GNG2: variants seen among roughly 807,000 people sequenced by gnomAD.
GNG2 encodes the protein G protein subunit gamma 2, also known as guanine nucleotide-binding protein G(I)/G(S)/G(O) subunit gamma-2.
GNG2 carries 5 observed loss-of-function variants against 5.5 expected under a neutral mutation model. The observed-to-expected ratio is 0.91, with a 90% CI of 0.48 to 1.92. The LOEUF is 1.92. Among genes scored for constraint, GNG2 ranks in the 30% most tolerant of loss-of-function variants. GNG2 has a pLI of 0.01. For synonymous variants in GNG2, 28 were observed against 32.0 expected (o/e 0.88, Z 0.42); for missense variants, 55 against 88.4 (o/e 0.62, Z 1.52).
In GNG2 at chr14:51,834,469, T is replaced by A. The variant is rs144267077; in HGVS notation, c.64+6662T>A. Among the ~76,000 whole-genome samples the A allele has an allele frequency of 3.0e-3, 464 of 152,288 alleles. 3 individuals are homozygous for A. Among genetic ancestry groups the A allele is most frequent in the African/African-American group, 0.011 (450 of 41,552 alleles). ...TTGTCGACCAGCTGGGAGACAAGTG[T>A]CAAGTGCTGGGTCCAGGTGGCAGAT... On this transcript the variant is annotated intron_variant, in intron 2 of 3. Coordinates refer to the GNG2 transcript ENST00000553432.
At chr14:51,826,823 A>G (rs1881041979) in intron 1 of GNG2, among the ~76,000 whole-genome samples, 2 of 152,346 alleles carry the variant, frequency 1.3e-5, no homozygotes, top group African/African-American at 4.8e-5. Context: ...TCAGTGAAGG[A>G]GAGAAAAGAG....
At position 51,884,898 on chromosome 14, in the gene GNG2, G is replaced by A. The variant is rs529218039; in HGVS notation, c.-30+7241G>A. Among the ~76,000 whole-genome samples, 4 of 152,266 alleles carry A rather than the reference G, an allele frequency of 2.6e-5. No individual in the cohort carries two copies. In the South Asian group the frequency reaches 6.2e-4, roughly 24 times the overall value. The stretch of plus-strand genomic sequence containing the variant: ...GCCTGCCATCAGCAGGGGCCAGTAG[G>A]TTCTTCCTCTGGAATTTTCCAACTC... On this transcript the variant is annotated intron_variant, in intron 2 of 3. Transcript: ENST00000556766.
intron 2 of GNG2, among the ~76,000 whole-genome samples, chr14:51,917,906 G>A (rs564498022): frequency 2.2e-4 from 33 of 152,006 alleles, no homozygotes; most frequent in Non-Finnish European, 4.0e-4. Context: ...GGCGCCTGTA[G>A]TCCCAGCTAC....
intron 3 of GNG2, among the ~76,000 whole-genome samples, chr14:51,962,942 C>G (rs937234542): frequency 2.6e-5 from 4 of 152,194 alleles, no homozygotes; most frequent in African/African-American, 2.4e-5. Flanking sequence ...CTCAGTAGCT[C>G]AGGAGCTGTG....
chr14:51,828,846 G>A (rs1881104559), intron 2 of GNG2, among the ~76,000 whole-genome samples: 1 of 152,078 alleles, frequency 6.6e-6, no homozygotes, highest in Non-Finnish European at 1.5e-5. Flanking sequence ...AGGGGCTCAG[G>A]GCTGGGGACG....
chr14:51,862,245 C>A (rs1882546149), intron 1 of GNG2, among the ~76,000 whole-genome samples: 1 of 152,062 alleles, frequency 6.6e-6, no homozygotes, highest in Non-Finnish European at 1.5e-5. Context: ...TTAAAGTAAA[C>A]CTGCACCATG....
intron 2 of GNG2, among the ~76,000 whole-genome samples, chr14:51,855,265 C>T (rs1882103084): frequency 6.6e-6 from 1 of 152,154 alleles, no homozygotes; most frequent in African/African-American, 2.4e-5. Context: ...TCTTCATGTC[C>T]CTTGTCCCAC....
At chr14:51,933,042 C>T (rs1428253132) in intron 2 of GNG2, among the ~76,000 whole-genome samples, 1 of 152,180 alleles carries the variant, frequency 6.6e-6, no homozygotes, top group Non-Finnish European at 1.5e-5. Flanking sequence ...CAGTAGCCAT[C>T]AGAAGCTGGA....
intron 2 of GNG2, among the ~76,000 whole-genome samples, chr14:51,830,450 A>G (rs1881150372): frequency 6.6e-6 from 1 of 152,200 alleles, no homozygotes. Context: ...CCTATTGGAC[A>G]TCTCCACTGG....
At chr14:51,952,881 T>C (rs1482203590) in intron 3 of GNG2, among the ~76,000 whole-genome samples, 7 of 152,196 alleles carry the variant, frequency 4.6e-5, no homozygotes, top group Non-Finnish European at 1.0e-4. Context: ...ACATTCCTCT[T>C]TATTGAAAAT....
intron 2 of GNG2, among the ~76,000 whole-genome samples, chr14:51,842,701 G>C (rs1881516332): frequency 6.8e-6 from 1 of 147,076 alleles, no homozygotes; most frequent in African/African-American, 2.6e-5. Context: ...TTCTCACTCT[G>C]TTGCCCAGGC....
At chr14:51,846,007 C>T (rs1190047266) in intron 2 of GNG2, among the ~76,000 whole-genome samples, 1 of 152,146 alleles carries the variant, frequency 6.6e-6, no homozygotes, top group African/African-American at 2.4e-5. Context: ...CAGCTTCCAC[C>T]TTTGACAAGA....
At chr14:51,852,763 C>T (rs2153310) in intron 2 of GNG2, among the ~76,000 whole-genome samples, 9,410 of 152,158 alleles carry the variant, frequency 0.062, 981 homozygotes, top group African/African-American at 0.22. Context: ...ACTAAAGTAA[C>T]GGAAATCATT....
intron 2 of GNG2, among the ~76,000 whole-genome samples, chr14:51,828,075 C>T (rs1168564048): frequency 2.0e-5 from 3 of 152,344 alleles, no homozygotes; most frequent in South Asian, 4.1e-4. Flanking sequence ...GTAGAACTGA[C>T]TAGCTTCCTC....
At chr14:51,936,918 G>A (rs1031543921) in intron 2 of GNG2, among the ~76,000 whole-genome samples, 7 of 152,180 alleles carry the variant, frequency 4.6e-5, no homozygotes, top group Admixed American at 3.9e-4. Context: ...TAAACTCCTG[G>A]TCATCAAGTC....
chr14:51,943,447 G>A (rs1888463414), intron 2 of GNG2, among the ~76,000 whole-genome samples: 1 of 152,228 alleles, frequency 6.6e-6, no homozygotes, highest in Non-Finnish European at 1.5e-5. Flanking sequence ...AATATATGAT[G>A]TGTGTCTGTG....
chr14:51,832,609 C>T (rs1291068474), intron 2 of GNG2, among the ~76,000 whole-genome samples: 1 of 152,216 alleles, frequency 6.6e-6, no homozygotes, highest in African/African-American at 2.4e-5. Flanking sequence ...GGTCCAAGAT[C>T]AAGGTGCTAG....
chr14:51,888,527 C>T (rs1373219756), intron 2 of GNG2, among the ~76,000 whole-genome samples: 1 of 152,078 alleles, frequency 6.6e-6, no homozygotes, highest in Non-Finnish European at 1.5e-5. Context: ...GTTATGTTAC[C>T]TGGGCTGGTC....
chr14:51,943,198 G>T (rs1358898143), intron 2 of GNG2, among the ~76,000 whole-genome samples: 2 of 152,218 alleles, frequency 1.3e-5, no homozygotes, highest in African/African-American at 4.8e-5. Flanking sequence ...GGCCGATGGG[G>T]TGAGGGGGAG....
Sources: gnomAD v4.1 joint callset for allele counts (sites outside exome capture counted in the v4.1 genomes callset) on GRCh38, gnomAD v4.1.1 for gene constraint, MANE v1.5 for transcripts, NCBI Gene and HGNC (gene_info 2026-07-23, HGNC 2026-07-21) for gene names.